SLC35F3: variants seen among roughly 807,000 people sequenced by gnomAD.
SLC35F3 encodes the protein solute carrier family 35 member F3.
SLC35F3 carries 25 observed loss-of-function variants against 49.9 expected under a neutral mutation model. That is an observed-to-expected ratio of 0.50 (90% CI 0.37 to 0.70). The LOEUF (loss-of-function observed/expected upper bound fraction) is 0.70, where lower values mean the gene tolerates loss of function less well. SLC35F3 is among the 30% of genes least tolerant of loss of function. The pLI is 0.00. For synonymous variants in SLC35F3, 275 were observed against 265.4 expected (o/e 1.04, Z -0.35); for missense variants, 525 against 639.8 (o/e 0.82, Z 1.94).
At chr1:234,001,506 C>T (rs1212074886) in intron 2 of SLC35F3, among the ~76,000 whole-genome samples, 1 of 152,154 alleles carries the variant, frequency 6.6e-6, no homozygotes, top group African/African-American at 2.4e-5. Flanking sequence ...CTTTATAAGG[C>T]TCCAAGTGTT....
chr1:234,217,635 T>C (rs1176887909), intron 2 of SLC35F3, among the ~76,000 whole-genome samples: 2 of 151,624 alleles, frequency 1.3e-5, no homozygotes, highest in Non-Finnish European at 2.9e-5. Context: ...GAGGCCTTTC[T>C]AAGAAGAGGC....
intron 2 of SLC35F3, among the ~76,000 whole-genome samples, chr1:234,083,149 T>C (rs550445070): frequency 6.6e-6 from 1 of 152,296 alleles, no homozygotes; most frequent in African/African-American, 2.4e-5. Context: ...ATAATGTTGG[T>C]TTGGGGCACA....
chr1:233,926,250 C>T (rs1271179675), intron 2 of SLC35F3, among the ~76,000 whole-genome samples: 2 of 152,160 alleles, frequency 1.3e-5, no homozygotes, highest in Non-Finnish European at 2.9e-5. Context: ...TTCCATTCTC[C>T]CTGTCACTTT....
chr1:234,129,064 C>T (rs1322551580), intron 2 of SLC35F3, among the ~76,000 whole-genome samples: 1 of 152,130 alleles, frequency 6.6e-6, no homozygotes, highest in Non-Finnish European at 1.5e-5. Context: ...AGAGTGAAGT[C>T]GTTGGTTTGC....
chr1:234,219,763 C>A (rs1267379209), intron 2 of SLC35F3, among the ~76,000 whole-genome samples: 11 of 152,176 alleles, frequency 7.2e-5, no homozygotes, highest in Non-Finnish European at 1.6e-4. Flanking sequence ...CCTCAGAATT[C>A]TTCTTGTCAC....
chr1:234,214,150 G>T lies in SLC35F3; in HGVS notation c.284-17267G>T. 9.4e-7 allele frequency: 1 copy of T among 1,064,502 alleles called. No individual in the cohort carries two copies. The highest frequency in any genetic ancestry group is 1.1e-6 in the Non-Finnish European group (1 of 882,058). The allele number at this position is 1,064,502 out of a possible 1,614,324, so 65.9% of individuals were successfully genotyped here. A position where few individuals can be genotyped will look rare whatever the true frequency, so the allele number is the denominator to read the frequency against. The stretch of plus-strand genomic sequence containing the variant: ...AGGGATGAGGGCTGCGGGGCTGGGC[G>T]TCCCGGGGAGGAGGGCGGAGCAGGT... On this transcript the variant is annotated intron_variant, in intron 2 of 7. Coordinates refer to ENST00000366618, the MANE Select transcript of SLC35F3 (RefSeq NM_173508.4). The surrounding 1 kb of genome is among the most constrained non-coding windows in gnomAD (Gnocchi z 8.0).
At chr1:234,013,369 A>G (rs1164845900) in intron 2 of SLC35F3, among the ~76,000 whole-genome samples, 1 of 152,164 alleles carries the variant, frequency 6.6e-6, no homozygotes, top group Non-Finnish European at 1.5e-5. Flanking sequence ...TTTTAGCAAT[A>G]AGCACTTATG....
intron 2 of SLC35F3, among the ~76,000 whole-genome samples, chr1:234,075,568 G>T (rs763043705): frequency 3.3e-5 from 5 of 152,182 alleles, no homozygotes; most frequent in Non-Finnish European, 5.9e-5. Context: ...AAATCATTCC[G>T]CACTGAGAAA....
chr1:234,015,471 A>G (rs1255125392), intron 2 of SLC35F3, among the ~76,000 whole-genome samples: 1 of 152,172 alleles, frequency 6.6e-6, no homozygotes, highest in Non-Finnish European at 1.5e-5. Flanking sequence ...ACATGGACTT[A>G]TGGAACAGAA....
chr1:234,162,597 C>T (rs1666245705), intron 2 of SLC35F3, among the ~76,000 whole-genome samples: 1 of 152,056 alleles, frequency 6.6e-6, no homozygotes, highest in Non-Finnish European at 1.5e-5. Context: ...TCTGCTCTCC[C>T]CAGCCCAGCC....
intron 2 of SLC35F3, among the ~76,000 whole-genome samples, chr1:234,135,357 T>C (rs1665795572): frequency 6.6e-6 from 1 of 152,170 alleles, no homozygotes; most frequent in African/African-American, 2.4e-5. Flanking sequence ...GCACCTATTA[T>C]GTACCAATAA....
chr1:234,217,681 C>A (rs1225150370), intron 2 of SLC35F3, among the ~76,000 whole-genome samples: 1 of 151,956 alleles, frequency 6.6e-6, no homozygotes, highest in Non-Finnish European at 1.5e-5. Context: ...GAAGAGGAGG[C>A]TTTTCTGAGA....
intron 2 of SLC35F3, among the ~76,000 whole-genome samples, chr1:234,170,611 C>A (rs1666387466): frequency 6.6e-6 from 1 of 152,054 alleles, no homozygotes; most frequent in Non-Finnish European, 1.5e-5. Context: ...TCACCACAGG[C>A]CTGAGCTTTT....
rs964311238 is a variant in SLC35F3 at position 234,147,231 on chromosome 1, T to A, written c.284-84186T>A. ...TACATAGTTTGCCCTTTCTATTTTCTTTTTTTTTTTTTTTTGTCCTGTTGG... is the reference window on the plus strand; with the variant it reads ...TACATAGTTTGCCCTTTCTATTTTCATTTTTTTTTTTTTTTGTCCTGTTGG... On this transcript the variant is annotated intron_variant, in intron 2 of 7. Coordinates refer to ENST00000366618, the MANE Select transcript of SLC35F3 (RefSeq NM_173508.4). Among the ~76,000 whole-genome samples the A allele has an allele frequency of 1.3e-3, 37 of 27,754 alleles. No individual in the cohort carries two copies. The African/African-American group carries it at 0.019, about 14-fold the overall frequency. The allele number at this position is 27,754 out of a possible 152,430, so 18.2% of individuals were successfully genotyped here.
At chr1:234,138,804 G>A (rs1235478792) in intron 2 of SLC35F3, among the ~76,000 whole-genome samples, 2 of 152,170 alleles carry the variant, frequency 1.3e-5, no homozygotes, top group Non-Finnish European at 2.9e-5. Flanking sequence ...TTCCTCCTCA[G>A]CCTCCCAAAG....
intron 2 of SLC35F3, among the ~76,000 whole-genome samples, chr1:234,114,333 G>T (rs10910340): frequency 0.14 from 21,120 of 152,258 alleles, 3,208 homozygotes; most frequent in East Asian, 0.81. Context: ...TTGAGTTTTT[G>T]TTGTTATTGC....
intron 6 of SLC35F3, 100 bp from the exon 7 acceptor site, chr1:234,319,998 C>A: frequency 1.3e-6 from 1 of 784,496 alleles, no homozygotes; most frequent in Non-Finnish European, 2.2e-6. Flanking sequence ...ACTCCTATGA[C>A]TCCAGCCTCA....
intron 2 of SLC35F3, among the ~76,000 whole-genome samples, chr1:233,976,479 A>G (rs1017665528): frequency 6.6e-6 from 1 of 152,212 alleles, no homozygotes; most frequent in Non-Finnish European, 1.5e-5. Context: ...GCTTCAAACT[A>G]TACATGAAGA....
intron 2 of SLC35F3, among the ~76,000 whole-genome samples, chr1:234,200,162 C>T (rs1024763562): frequency 2.0e-5 from 3 of 151,770 alleles, no homozygotes; most frequent in Non-Finnish European, 2.9e-5. Flanking sequence ...AAAATCACTA[C>T]GTCAAAAAAA....
Sources: gnomAD v4.1 joint callset for allele counts (sites outside exome capture counted in the v4.1 genomes callset) on GRCh38, gnomAD v4.1.1 for gene constraint, Gnocchi (gnomAD v3.1) non-coding constraint, MANE v1.5 for transcripts, NCBI Gene and HGNC (gene_info 2026-07-23, HGNC 2026-07-21) for gene names.